Variants in ATP6V1C1 observed in about 807,000 individuals in gnomAD.
ATP6V1C1 encodes the protein ATPase H+ transporting V1 subunit C1.
Under a neutral mutation model 53.9 loss-of-function variants are expected in ATP6V1C1, and 45 were observed. The ratio of observed to expected loss-of-function variants is 0.83; its 90% CI spans 0.66 to 1.07. The LOEUF (loss-of-function observed/expected upper bound fraction) is 1.07, where lower values mean the gene tolerates loss of function less well. Among genes scored for constraint, ATP6V1C1 ranks in the 50% least tolerant of loss-of-function variants. The probability of loss-of-function intolerance (pLI) is 0.00; values close to 1 mark genes in which losing one functional copy is unlikely to be tolerated. For missense variants in ATP6V1C1, 315 were observed against 440.3 expected, an observed-to-expected ratio of 0.72 and a Z score of 2.55; for synonymous variants, 153 against 155.2, an observed-to-expected ratio of 0.99 and a Z score of 0.11.
At chr8:103,067,908 A>G (rs988683892) in intron 12 of ATP6V1C1, among the ~76,000 whole-genome samples, 2 of 152,088 alleles carry the variant, frequency 1.3e-5, no homozygotes, top group Non-Finnish European at 2.9e-5. Context: ...CTTTCATGCA[A>G]TTGTGGATAA....
chr8:103,040,979 A>G lies in ATP6V1C1; in HGVS notation c.132+11A>G. On this transcript the variant is annotated intron_variant, in intron 2 of 12. Transcript: ENST00000518738. ...ATTCCTGACTTAAAGGTGAAGCTGC[A>G]CTGTGCAAAATTATATATGAGTTCA... 6.2e-7 allele frequency: 1 copy of G among 1,613,580 alleles called. No individual in the cohort carries two copies. The highest frequency in any genetic ancestry group is 8.5e-7 in the Non-Finnish European group (1 of 1,179,662).
At chr8:103,057,788 A>C (rs1817315915) in intron 8 of ATP6V1C1, among the ~76,000 whole-genome samples, 1 of 152,080 alleles carries the variant, frequency 6.6e-6, no homozygotes. Flanking sequence ...ACAAATGTTG[A>C]TCTTTTAGGA....
chr8:103,033,243 T>A (rs1309363078), intron 1 of ATP6V1C1, among the ~76,000 whole-genome samples: 3 of 152,200 alleles, frequency 2.0e-5, no homozygotes, highest in Admixed American at 2.0e-4. Context: ...GTGTCCTTAA[T>A]CTTGGTTTTG....
At chr8:103,028,859 C>T (rs749436531) in intron 1 of ATP6V1C1, among the ~76,000 whole-genome samples, 7 of 152,148 alleles carry the variant, frequency 4.6e-5, no homozygotes, top group Non-Finnish European at 7.3e-5. Context: ...TACAATTAAC[C>T]AGCTTTGCCC....
chr8:103,063,934 TC>T (rs1401793025), intron 10 of ATP6V1C1, among the ~76,000 whole-genome samples: 1 of 152,190 alleles, frequency 6.6e-6, no homozygotes, highest in Admixed American at 6.5e-5. Context: ...AGGAGGAAAC[TC>T]ATTCTAACCA....
intron 7 of ATP6V1C1, among the ~76,000 whole-genome samples, 199 bp downstream of exon 7, chr8:103,054,181 A>G (rs1413375453): frequency 6.6e-6 from 1 of 152,092 alleles, no homozygotes; most frequent in Non-Finnish European, 1.5e-5. Flanking sequence ...GACTTCAGTT[A>G]TAAATTGAGT....
intron 12 of ATP6V1C1, among the ~76,000 whole-genome samples, chr8:103,066,865 G>A (rs560619715): frequency 2.6e-5 from 4 of 152,126 alleles, no homozygotes; most frequent in Admixed American, 6.5e-5. Flanking sequence ...GTAGCTGGGC[G>A]TGGTGGGACA....
chr8:103,022,654 A>C (rs1816617924), intron 1 of ATP6V1C1, among the ~76,000 whole-genome samples: 1 of 152,146 alleles, frequency 6.6e-6, no homozygotes, highest in African/African-American at 2.4e-5. Flanking sequence ...GATTAAAACA[A>C]TTTTATTTAT....
intron 1 of ATP6V1C1, among the ~76,000 whole-genome samples, chr8:103,023,905 T>TG (rs35105111): frequency 0.076 from 11,421 of 149,430 alleles, 557 homozygotes; most frequent in Non-Finnish European, 0.11. Context: ...CATTTTTTTT[T>TG]GGGGGGGGGG....
chr8:103,053,242 A>G (rs72669342), intron 6 of ATP6V1C1, among the ~76,000 whole-genome samples: 12,411 of 152,014 alleles, frequency 0.082, 681 homozygotes, highest in Non-Finnish European at 0.11. Flanking sequence ...TTCACTTGTT[A>G]GGTTTTTTAA....
chr8:103,029,801 C>T (rs978058140), intron 1 of ATP6V1C1, among the ~76,000 whole-genome samples: 5 of 151,182 alleles, frequency 3.3e-5, no homozygotes, highest in African/African-American at 1.2e-4. Context: ...GGCACAATCT[C>T]GGCTCACCGC....
At position 103,051,007 on chromosome 8, in the gene ATP6V1C1, T is replaced by C. The variant is rs776924241; in HGVS notation, c.287-43T>C. On this transcript the variant is annotated intron_variant, in intron 4 of 12. Transcript: ENST00000518738. ...ATCGCTGTGTAAAAAACTGAACAATTCTATTGTTTTTCTTCAGTAATTAAT... is the reference window on the plus strand; with the variant it reads ...ATCGCTGTGTAAAAAACTGAACAATCCTATTGTTTTTCTTCAGTAATTAAT... The C allele has an allele frequency of 1.3e-5, 17 of 1,348,240 alleles. 1 individual carries two copies. In the Admixed American group the frequency reaches 2.9e-4, roughly 23 times the overall value. 83.5% of individuals were successfully genotyped at this position (1,348,240 alleles called of 1,614,324 possible).
chr8:103,064,642 TA>T (rs1254525505), intron 10 of ATP6V1C1, 71 bp from the exon 11 acceptor site: 11 of 1,259,406 alleles, frequency 8.7e-6, no homozygotes, highest in Admixed American at 2.3e-5. Context: ...GGTAGTCACT[TA>T]AAAAAATATT....
chr8:103,023,653 C>A (rs901461963), intron 1 of ATP6V1C1, among the ~76,000 whole-genome samples: 2 of 152,174 alleles, frequency 1.3e-5, no homozygotes, highest in Non-Finnish European at 2.9e-5. Flanking sequence ...AGGGAGGGAT[C>A]ACTTTCATAT....
At chr8:103,046,571 G>A (rs1356779400) in intron 3 of ATP6V1C1, among the ~76,000 whole-genome samples, 1 of 152,144 alleles carries the variant, frequency 6.6e-6, no homozygotes, top group East Asian at 1.9e-4. Flanking sequence ...AGTTAGTTTG[G>A]TGAGTAGAAT....
intron 10 of ATP6V1C1, among the ~76,000 whole-genome samples, chr8:103,063,616 T>G (rs949319737): frequency 2.4e-4 from 37 of 152,224 alleles, no homozygotes; most frequent in Admixed American, 2.6e-4. Context: ...TTCTTTTCAG[T>G]AAGACTTTTC....
intron 1 of ATP6V1C1, among the ~76,000 whole-genome samples, chr8:103,024,570 C>T (rs888346794): frequency 6.6e-6 from 1 of 152,206 alleles, no homozygotes; most frequent in African/African-American, 2.4e-5. Context: ...AAATTTTGCT[C>T]TTGTACATAT....
chr8:103,051,925 C>T (rs1032723269), intron 5 of ATP6V1C1, among the ~76,000 whole-genome samples: 5 of 151,976 alleles, frequency 3.3e-5, no homozygotes, highest in African/African-American at 1.2e-4. Flanking sequence ...TTTAGTTATG[C>T]GGTGTGCTGT....
chr8:103,053,258 G>A (rs2131396810), intron 6 of ATP6V1C1, among the ~76,000 whole-genome samples: 1 of 151,898 alleles, frequency 6.6e-6, no homozygotes. Flanking sequence ...TTTAAAATAG[G>A]ACTGAATTTT....
Sources: gnomAD v4.1 joint callset for allele counts (sites outside exome capture counted in the v4.1 genomes callset) on GRCh38, gnomAD v4.1.1 for gene constraint, MANE v1.5 for transcripts, NCBI Gene and HGNC (gene_info 2026-07-23, HGNC 2026-07-21) for gene names.